COL23A1: variants seen among roughly 807,000 people sequenced by gnomAD.
The protein encoded by COL23A1 is collagen alpha-1(XXIII) chain.
A neutral mutation model predicts 99.3 loss-of-function variants in COL23A1; 97 were observed. The observed-to-expected ratio is 0.98, with a 90% CI of 0.83 to 1.16. COL23A1 has a LOEUF of 1.16. Ranked by LOEUF, COL23A1 falls within the 50% of genes most tolerant of loss-of-function variation. The pLI, the probability that COL23A1 is intolerant of heterozygous loss-of-function variation, is 0.00. For synonymous variants in COL23A1, 320 were observed against 308.2 expected, an observed-to-expected ratio of 1.04 and a Z score of -0.40; for missense variants, 762 against 757.4, an observed-to-expected ratio of 1.01 and a Z score of -0.07.
At position 178,358,068 on chromosome 5, in the gene COL23A1, G is replaced by A. The variant is rs1761839815; in HGVS notation, c.362-51149C>T. ...TATGTATGTCTAATGTATGTGTATT[G>A]TGTGTATGTGTATGTACGTGTGTAG... is the stretch of plus-strand genomic sequence containing the variant. On this transcript the variant is annotated intron_variant, in intron 2 of 28. Transcript: ENST00000390654. 1.4e-5 allele frequency among the ~76,000 whole-genome samples: 2 copies of A among 144,280 alleles called. 1 individual carries two copies. The highest frequency in any genetic ancestry group is 5.2e-5 in the African/African-American group (2 of 38,374). 94.7% of individuals were successfully genotyped at this position (144,280 alleles called of 152,430 possible). A position where few individuals can be genotyped will look rare whatever the true frequency, so the allele number is the denominator to read the frequency against.
chr5:178,423,915 C>T (rs113747651), intron 2 of COL23A1, among the ~76,000 whole-genome samples: 2 of 152,326 alleles, frequency 1.3e-5, no homozygotes, highest in African/African-American at 4.8e-5. Flanking sequence ...TGTGGCCCCT[C>T]ACCCTAATCC....
intron 3 of COL23A1, among the ~76,000 whole-genome samples, chr5:178,299,063 T>C (rs557839730): frequency 1.3e-5 from 2 of 152,366 alleles, no homozygotes; most frequent in South Asian, 2.1e-4. Flanking sequence ...TTTGCTTGTA[T>C]TGTTGAGGAC....
chr5:178,451,267 C>T (rs1767472018), intron 2 of COL23A1, among the ~76,000 whole-genome samples: 1 of 152,040 alleles, frequency 6.6e-6, no homozygotes. Context: ...TCCCATATTC[C>T]TTTACTATTT....
chr5:178,268,705 C>A (rs536556964), intron 7 of COL23A1, 25 bp downstream of exon 7: 2 of 1,600,014 alleles, frequency 1.2e-6, no homozygotes, highest in Non-Finnish European at 1.7e-6. Flanking sequence ...CCTACCACAT[C>A]TGCACAGCCT....
intron 2 of COL23A1, among the ~76,000 whole-genome samples, chr5:178,547,609 A>AC (rs1189198929): frequency 0.021 from 62 of 3,020 alleles, no homozygotes; most frequent in Middle Eastern, 0.12. Flanking sequence ...CCACACACAC[A>AC]CCCCCCACAC....
intron 2 of COL23A1, among the ~76,000 whole-genome samples, chr5:178,431,641 G>T (rs1317407124): frequency 6.6e-6 from 1 of 152,250 alleles, no homozygotes; most frequent in Non-Finnish European, 1.5e-5. Flanking sequence ...CAGCGGCCAG[G>T]AGCTGAAGAG....
chr5:178,380,393 TTGTGTGTGTGTG>T (rs112420315), intron 2 of COL23A1, among the ~76,000 whole-genome samples: 8 of 147,130 alleles, frequency 5.4e-5, no homozygotes, highest in Non-Finnish European at 1.2e-4. Flanking sequence ...GAGCATGCAT[TTGTGTGTGTGTG>T]TGTGTGTGTG....
chr5:178,449,485 G>A (rs1669454596), intron 2 of COL23A1, among the ~76,000 whole-genome samples: 1 of 152,308 alleles, frequency 6.6e-6, no homozygotes, highest in South Asian at 2.1e-4. Context: ...CAACGACGCT[G>A]TCCTTCAAGC....
At position 178,309,916 on chromosome 5, in the gene COL23A1, G is replaced by A. The variant is rs1758576870; in HGVS notation, c.362-2997C>T. Reference sequence around the variant, plus strand: ...CTCCCACTGCAGGACACGACCAAGTGATGTGTGTTCAGGGGAGGAAGGGCG... The same window carrying A: ...CTCCCACTGCAGGACACGACCAAGTAATGTGTGTTCAGGGGAGGAAGGGCG... On this transcript the variant is annotated intron_variant, in intron 2 of 28. Coordinates refer to ENST00000390654, the MANE Select transcript of COL23A1 (RefSeq NM_173465.4). The surrounding 1 kb of genome is among the most constrained non-coding windows in gnomAD (Gnocchi z 4.7). Among the ~76,000 whole-genome samples the A allele has an allele frequency of 7.2e-6, 1 of 139,682 alleles. No homozygotes were observed. The highest frequency in any genetic ancestry group is 1.6e-5 in the Non-Finnish European group (1 of 64,206). The allele number at this position is 139,682 out of a possible 152,430, so 91.6% of individuals were successfully genotyped here.
At chr5:178,288,850 G>A (rs1263683103) in intron 4 of COL23A1, among the ~76,000 whole-genome samples, 2 of 152,214 alleles carry the variant, frequency 1.3e-5, no homozygotes, top group Non-Finnish European at 1.5e-5. Flanking sequence ...CCAGACCCTG[G>A]AGCAGTGACC....
chr5:178,538,974 A>G (rs76852235), intron 2 of COL23A1, among the ~76,000 whole-genome samples: 21,723 of 152,240 alleles, frequency 0.14, 1,696 homozygotes, highest in Middle Eastern at 0.22. Context: ...AGCCGGATGA[A>G]AAAGGCCACA....
At chr5:178,524,951 C>G (rs1023684562) in intron 2 of COL23A1, among the ~76,000 whole-genome samples, 2 of 152,286 alleles carry the variant, frequency 1.3e-5, no homozygotes, top group African/African-American at 2.4e-5. Flanking sequence ...AACTGCGTAA[C>G]TCTTTATGCT....
At chr5:178,300,412 A>G (rs1353696822) in intron 3 of COL23A1, among the ~76,000 whole-genome samples, 1 of 151,974 alleles carries the variant, frequency 6.6e-6, no homozygotes, top group Non-Finnish European at 1.5e-5. Context: ...CTTTGTTGAT[A>G]GTTTTTTTCC....
At chr5:178,570,489 A>G (rs918353719) in intron 1 of COL23A1, among the ~76,000 whole-genome samples, 4 of 152,184 alleles carry the variant, frequency 2.6e-5, no homozygotes, top group African/African-American at 9.7e-5. Context: ...ACATTAGTAC[A>G]TTAGTTTTTC....
chr5:178,332,665 C>T (rs376684588), intron 2 of COL23A1, among the ~76,000 whole-genome samples: 5 of 152,148 alleles, frequency 3.3e-5, no homozygotes, highest in African/African-American at 1.2e-4. Context: ...AGGCAGCCCA[C>T]TTGGTCTATG....
chr5:178,370,885 T>G (rs1430393010), intron 2 of COL23A1, among the ~76,000 whole-genome samples: 1 of 152,166 alleles, frequency 6.6e-6, no homozygotes, highest in Non-Finnish European at 1.5e-5. Context: ...AAGGTTGCAG[T>G]GAGCCGTGAT....
rs142117441 is a variant in COL23A1 at position 178,280,665 on chromosome 5, C to A, written c.441+7659G>T. The stretch of plus-strand genomic sequence containing the variant: ...AGGATGCTGTGGGGCTGGTCTGTTG[C>A]CTGGGGAAGTGGGAGGCGGTTCCAG... On this transcript the variant is annotated intron_variant, in intron 5 of 28. Coordinates refer to ENST00000390654, the MANE Select transcript of COL23A1 (RefSeq NM_173465.4). The surrounding 1 kb of genome is among the most constrained non-coding windows in gnomAD (Gnocchi z 4.9). Among the ~76,000 whole-genome samples, 42 of 152,198 alleles carry A rather than the reference C, an allele frequency of 2.8e-4. No individual in the cohort carries two copies. Among genetic ancestry groups the A allele is most frequent in the African/African-American group, 9.9e-4 (41 of 41,514 alleles).
intron 2 of COL23A1, among the ~76,000 whole-genome samples, chr5:178,409,099 A>AG (rs1468866344): frequency 6.6e-6 from 1 of 152,094 alleles, no homozygotes; most frequent in Non-Finnish European, 1.5e-5. Context: ...AAAAACCTGT[A>AG]CATGGATGCT....
chr5:178,342,097 C>T (rs1760704261), intron 2 of COL23A1, among the ~76,000 whole-genome samples: 1 of 152,152 alleles, frequency 6.6e-6, no homozygotes, highest in East Asian at 1.9e-4. Flanking sequence ...TCCTCAGTGC[C>T]CAGCTCTGAG....
Sources: allele counts gnomAD v4.1 joint callset (sites outside exome capture counted in the v4.1 genomes callset), GRCh38; gene constraint gnomAD v4.1.1; non-coding constraint Gnocchi (gnomAD v3.1); transcripts MANE v1.5; gene names NCBI Gene and HGNC (gene_info 2026-07-23, HGNC 2026-07-21).